The following MIS18A variants were observed in gnomAD, a reference collection of about 807,000 sequenced individuals.
MIS18A encodes the protein protein Mis18-alpha.
Under a neutral mutation model 25.0 loss-of-function variants are expected in MIS18A, and 14 were observed. The observed-to-expected ratio is 0.56, with a 90% CI of 0.37 to 0.88. The LOEUF (loss-of-function observed/expected upper bound fraction) is 0.88. Ranked by LOEUF, MIS18A falls within the 40% of genes least tolerant of loss-of-function variation. The pLI, the probability that MIS18A is intolerant of heterozygous loss-of-function variation, is 0.00. For missense variants in MIS18A, 292 were observed against 290.8 expected, an observed-to-expected ratio of 1.00 and a Z score of -0.03; for synonymous variants, 134 against 118.6, an observed-to-expected ratio of 1.13 and a Z score of -0.84.
chr21:32,222,000 T>C, the MIS18A span, among the ~76,000 whole-genome samples: 6 of 151,792 alleles, frequency 4.0e-5, no homozygotes, highest in African/African-American at 9.7e-5. Flanking sequence ...GACTGGCAAA[T>C]TGGATAAAGA....
the MIS18A span, among the ~76,000 whole-genome samples, chr21:32,237,892 T>C: frequency 6.6e-6 from 1 of 152,008 alleles, no homozygotes; most frequent in Non-Finnish European, 1.5e-5. Flanking sequence ...CAATCAGAAG[T>C]ACAGAGGCAG....
At chr21:32,196,783 GAGAT>G in the MIS18A span, among the ~76,000 whole-genome samples, 4 of 152,092 alleles carry the variant, frequency 2.6e-5, no homozygotes, top group Non-Finnish European at 5.9e-5. Flanking sequence ...AATTCCCTTA[GAGAT>G]AGATTGATGA....
the MIS18A span, chr21:32,259,717 G>C: frequency 6.6e-6 from 1 of 152,208 alleles, no homozygotes; most frequent in Non-Finnish European, 1.5e-5. Flanking sequence ...CAGACAGCGC[G>C]CACTGAGGCC....
chr21:32,191,870 A>G, the MIS18A span, among the ~76,000 whole-genome samples: 1 of 151,958 alleles, frequency 6.6e-6, no homozygotes, highest in African/African-American at 2.4e-5. Flanking sequence ...GTGCCATTGC[A>G]CTCCAGCCTG....
chr21:32,181,642 C>G, the MIS18A span, among the ~76,000 whole-genome samples: 2 of 152,126 alleles, frequency 1.3e-5, no homozygotes, highest in South Asian at 4.1e-4. Flanking sequence ...ATAATGGGAA[C>G]ACCAGGTCCT....
chr21:32,210,360 T>C, the MIS18A span, among the ~76,000 whole-genome samples: 5 of 152,208 alleles, frequency 3.3e-5, no homozygotes, highest in African/African-American at 9.7e-5. Context: ...ATTACCCTTA[T>C]AGCTCATCAG....
the MIS18A span, among the ~76,000 whole-genome samples, chr21:32,158,376 A>G: frequency 1.3e-5 from 2 of 152,156 alleles, no homozygotes; most frequent in Non-Finnish European, 2.9e-5. Context: ...AAAAAAGTCA[A>G]TATTTGTAAT....
chr21:32,180,414 G>A, the MIS18A span, among the ~76,000 whole-genome samples: 718 of 152,210 alleles, frequency 4.7e-3, 5 homozygotes, highest in African/African-American at 0.016. Context: ...CCTGCTTTCC[G>A]TCTATAGTTG....
At chr21:32,253,306 G>A in the MIS18A span, among the ~76,000 whole-genome samples, 2 of 152,124 alleles carry the variant, frequency 1.3e-5, no homozygotes, top group Non-Finnish European at 2.9e-5. Context: ...GGTACACAGC[G>A]GGCATGCGCA....
At chr21:32,262,641 T>C in the MIS18A span, among the ~76,000 whole-genome samples, 3 of 152,202 alleles carry the variant, frequency 2.0e-5, no homozygotes, top group Admixed American at 2.0e-4. Flanking sequence ...AATTAGAAGG[T>C]TGAAGAGCCC....
the MIS18A span, among the ~76,000 whole-genome samples, chr21:32,220,970 A>G: frequency 2.0e-5 from 3 of 152,116 alleles, no homozygotes; most frequent in Non-Finnish European, 4.4e-5. Context: ...TCCAAGAAAT[A>G]TGGGACTATG....
the MIS18A span, among the ~76,000 whole-genome samples, chr21:32,178,328 CATT>C: frequency 6.6e-6 from 1 of 152,134 alleles, no homozygotes; most frequent in Non-Finnish European, 1.5e-5. Context: ...AGAAATTAGA[CATT>C]ATTGCTGTCG....
the MIS18A span, among the ~76,000 whole-genome samples, chr21:32,158,756 T>C: frequency 6.6e-6 from 1 of 152,220 alleles, no homozygotes; most frequent in Non-Finnish European, 1.5e-5. Flanking sequence ...ATTACAGGCA[T>C]GAGCCACCAC....
chr21:32,184,457 T>C, the MIS18A span, among the ~76,000 whole-genome samples: 9 of 152,122 alleles, frequency 5.9e-5, no homozygotes, highest in Non-Finnish European at 1.3e-4. Context: ...CTTTAGGAAA[T>C]AGGCCATTTG....
chr21:32,200,608 G>A, the MIS18A span, among the ~76,000 whole-genome samples: 2 of 151,708 alleles, frequency 1.3e-5, no homozygotes, highest in African/African-American at 4.8e-5. Flanking sequence ...TAATTTTTTT[G>A]TATTTTTTTT....
chr21:32,167,787 T>C, the MIS18A span, among the ~76,000 whole-genome samples: 1 of 152,144 alleles, frequency 6.6e-6, no homozygotes, highest in African/African-American at 2.4e-5. Flanking sequence ...CCTTCTCACA[T>C]AATATTAAAC....
At chr21:32,190,825 A>G in the MIS18A span, among the ~76,000 whole-genome samples, 4 of 152,210 alleles carry the variant, frequency 2.6e-5, no homozygotes, top group African/African-American at 7.2e-5. Context: ...CCCAACCTGG[A>G]AAGTCCGCAT....
chr21:32,278,991 C>G lies in MIS18A; in HGVS notation c.24G>C (p.Arg8Ser), dbSNP rs773790190. Residue 8 changes from arginine to serine, a missense_variant, in exon 1 of 5, where the codon AGG becomes AGC. Physicochemically the swap from Arg to Ser is moderately radical, Grantham distance 110. Coordinates refer to ENST00000290130, the MANE Select transcript of MIS18A (RefSeq NM_018944.3). MAGVRSL[R>S]CSRGCAGGCE... The stretch of plus-strand genomic sequence containing the variant: ...AGCCGCCAGCGCATCCTCTGCTACA[C>G]CTCAGTGACCGAACGCCTGCCATTA... The G allele has an allele frequency of 1.9e-6, 3 of 1,603,036 alleles. No homozygotes were observed. The South Asian group carries it at 3.3e-5, about 18-fold the overall frequency.
the MIS18A span, among the ~76,000 whole-genome samples, chr21:32,193,686 C>T: frequency 6.6e-6 from 1 of 152,082 alleles, no homozygotes; most frequent in Non-Finnish European, 1.5e-5. Context: ...TTTAAGAGGT[C>T]CACTACTGTC....
Sources: allele counts gnomAD v4.1 joint callset (sites outside exome capture counted in the v4.1 genomes callset), GRCh38; gene constraint gnomAD v4.1.1; transcripts MANE v1.5; gene names NCBI Gene and HGNC (gene_info 2026-07-23, HGNC 2026-07-21).